PLA1A: variants seen among roughly 807,000 people sequenced by gnomAD.
The protein encoded by PLA1A is phosphatidylserine-specific phospholipase A1alpha.
In PLA1A, 47 loss-of-function variants were observed where a neutral mutation model predicts 49.4. That is an observed-to-expected ratio of 0.95 (90% CI 0.75 to 1.21). The LOEUF is 1.21. PLA1A is among the 50% of genes most tolerant of loss of function. The probability of loss-of-function intolerance (pLI) is 0.00; values close to 1 mark genes in which losing one functional copy is unlikely to be tolerated. For synonymous variants in PLA1A, 224 were observed against 207.9 expected (o/e 1.08, Z -0.67); for missense variants, 561 against 563.9 (o/e 0.99, Z 0.05).
intron 4 of PLA1A, among the ~76,000 whole-genome samples, chr3:119,611,733 T>A (rs576831820): frequency 1.8e-4 from 28 of 152,328 alleles, no homozygotes; most frequent in Non-Finnish European, 2.9e-4. Context: ...GCTGGAGTTG[T>A]TTATCAGGTC....
intron 10 of PLA1A, among the ~76,000 whole-genome samples, 192 bp from the exon 11 acceptor site, chr3:119,629,192 C>G (rs1035234365): frequency 6.6e-6 from 1 of 152,048 alleles, no homozygotes; most frequent in African/African-American, 2.4e-5. Flanking sequence ...ATCCACATCC[C>G]CTTTCCCTTC....
At chr3:119,603,841 C>G (rs2082649292) in intron 1 of PLA1A, among the ~76,000 whole-genome samples, 1 of 152,086 alleles carries the variant, frequency 6.6e-6, no homozygotes, top group Admixed American at 6.5e-5. Flanking sequence ...CCTTAAGGTC[C>G]CTAGTCAGAG....
Position 119,623,818 on chromosome 3 carries a change from G to T in PLA1A, c.1013-1306G>T, listed in dbSNP as rs769260818. Among the ~76,000 whole-genome samples the T allele has an allele frequency of 1.0e-4, 15 of 146,238 alleles. No individual in the cohort carries two copies. The East Asian group carries it at 3.0e-3, about 29-fold the overall frequency. On this transcript the variant is annotated intron_variant, in intron 8 of 10. Coordinates refer to ENST00000273371, the MANE Select transcript of PLA1A (RefSeq NM_015900.4). ...CGGCTCACTGCAACCTCTGCCTCCC[G>T]GGTTCAAATGCTTCTCCTGCCTCAG...
At chr3:119,602,891 A>G (rs2082636566) in intron 1 of PLA1A, among the ~76,000 whole-genome samples, 1 of 152,158 alleles carries the variant, frequency 6.6e-6, no homozygotes, top group Admixed American at 6.5e-5. Context: ...AAAGACTTGA[A>G]GGAGGGGAAG....
rs368893228 is a variant in PLA1A, at chr3:119,599,543, T to G, written c.73+1557T>G. Among the ~76,000 whole-genome samples, 14 of 152,260 alleles carry G rather than the reference T, an allele frequency of 9.2e-5. No individual in the cohort carries two copies. In the East Asian group the frequency reaches 2.1e-3, roughly 23 times the overall value. Reference sequence around the variant, plus strand: ...GGACTATAGCAAATTGGCATCAAACTCTTTTTGGAAGCTCATCTGTCGGTA... The same window carrying G: ...GGACTATAGCAAATTGGCATCAAACGCTTTTTGGAAGCTCATCTGTCGGTA... On this transcript the variant is annotated intron_variant, in intron 1 of 10. Transcript: ENST00000273371.
chr3:119,606,680 C>A (rs544876758), intron 1 of PLA1A, 94 bp from the exon 2 acceptor site: 2 of 903,512 alleles, frequency 2.2e-6, no homozygotes, highest in Admixed American at 4.3e-5. Context: ...CTGCAGGCCC[C>A]TGTTTCTTGC....
intron 4 of PLA1A, among the ~76,000 whole-genome samples, chr3:119,610,052 A>T (rs937597675): frequency 6.6e-6 from 1 of 152,144 alleles, no homozygotes; most frequent in Non-Finnish European, 1.5e-5. Flanking sequence ...TTTAGCTCCC[A>T]CTTATAAGTG....
rs776688207 is a variant in PLA1A at position 119,609,380 on chromosome 3, G to A, written c.454-88G>A. 1.9e-4 allele frequency: 165 copies of A among 846,726 alleles called. 1 individual carries two copies. The highest frequency in any genetic ancestry group is 3.2e-4 in the Admixed American group (19 of 59,046). 52.5% of individuals were successfully genotyped at this position (846,726 alleles called of 1,614,324 possible). On this transcript the variant is annotated intron_variant, in intron 3 of 10. Coordinates refer to ENST00000273371, the MANE Select transcript of PLA1A (RefSeq NM_015900.4). ...GTGGGTGTGTCATGCCCAGGGCCTC[G>A]GCTTCTGAAGCTTTGGGGGAAAGCC...
At chr3:119,618,539 A>C (rs2082884680) in intron 7 of PLA1A, among the ~76,000 whole-genome samples, 1 of 152,098 alleles carries the variant, frequency 6.6e-6, no homozygotes, top group Non-Finnish European at 1.5e-5. Context: ...ATAGACCCTA[A>C]ATCTATGGTG....
intron 3 of PLA1A, 45 bp from the exon 4 acceptor site, chr3:119,609,423 C>G: frequency 1.6e-6 from 2 of 1,222,128 alleles, no homozygotes; most frequent in Non-Finnish European, 1.2e-6. Flanking sequence ...GTGAAGCCAG[C>G]AGACTCTGTG....
intron 1 of PLA1A, among the ~76,000 whole-genome samples, chr3:119,605,089 AAC>A (rs765252363): frequency 6.6e-6 from 1 of 152,212 alleles, no homozygotes; most frequent in Admixed American, 6.5e-5. Flanking sequence ...CTCATGCTGA[AAC>A]ACAGTCTTTT....
At chr3:119,605,390 G>C (rs532586927) in intron 1 of PLA1A, among the ~76,000 whole-genome samples, 1 of 152,176 alleles carries the variant, frequency 6.6e-6, no homozygotes, top group Non-Finnish European at 1.5e-5. Context: ...CCACAGGTGG[G>C]GTTCCCACAA....
chr3:119,604,399 G>T (rs1046961635), intron 1 of PLA1A, among the ~76,000 whole-genome samples: 1 of 152,116 alleles, frequency 6.6e-6, no homozygotes, highest in African/African-American at 2.4e-5. Context: ...AGAAGATGTG[G>T]TATACATACA....
At chr3:119,629,312 A>C (rs2052591080) in intron 10 of PLA1A, 72 bp from the exon 11 acceptor site, 1 of 872,922 alleles carries the variant, frequency 1.1e-6, no homozygotes, top group Non-Finnish European at 2.0e-6. Context: ...CATCATGGGA[A>C]TTCAAAAGCC....
chr3:119,608,224 A>AAGAG (rs1393643729), intron 2 of PLA1A, among the ~76,000 whole-genome samples: 20 of 36,468 alleles, frequency 5.5e-4, no homozygotes, highest in African/African-American at 3.0e-3. Flanking sequence ...GAAAGAAAGA[A>AAGAG]AGAGAGAGAA....
intron 9 of PLA1A, 104 bp downstream of exon 9, chr3:119,625,336 G>T: frequency 1.4e-6 from 1 of 735,918 alleles, no homozygotes. Context: ...GATTGCTGAT[G>T]CATGGGCCCA....
At position 119,606,737 on chromosome 3, in the gene PLA1A, C is replaced by A. The variant is rs112200777; in HGVS notation, c.74-37C>A. 5.2e-6 allele frequency: 8 copies of A among 1,546,734 alleles called. No individual in the cohort carries two copies. The South Asian group carries it at 6.7e-5, about 13-fold the overall frequency. On this transcript the variant is annotated intron_variant, in intron 1 of 10. Coordinates refer to ENST00000273371, the MANE Select transcript of PLA1A (RefSeq NM_015900.4). ...TTCCTTCTAAGAACAGATGACCTCA[C>A]CTTGGATGTTGCTTGTTTTGTTTTG...
rs749058498 is a variant in PLA1A at position 119,597,999 on chromosome 3, T to C, written c.73+13T>C. 5.4e-5 allele frequency: 85 copies of C among 1,563,484 alleles called. 1 individual carries two copies. Among genetic ancestry groups the C allele is most frequent in the Non-Finnish European group, 4.5e-5 (51 of 1,139,868 alleles). Reference sequence around the variant, plus strand: ...GTTGGAAGTTCAGGTAAGCCAGGGCTCAGGCCTTGGGAGGAACTTATTTCA... The same window carrying C: ...GTTGGAAGTTCAGGTAAGCCAGGGCCCAGGCCTTGGGAGGAACTTATTTCA... On this transcript the variant is annotated intron_variant, in intron 1 of 10. Transcript: ENST00000273371.
At chr3:119,602,872 T>C (rs2082635690) in intron 1 of PLA1A, among the ~76,000 whole-genome samples, 1 of 152,042 alleles carries the variant, frequency 6.6e-6, no homozygotes, top group South Asian at 2.1e-4. Flanking sequence ...AAGAGAGCAC[T>C]TGACAAGCAA....
Sources: gnomAD v4.1 joint callset for allele counts (sites outside exome capture counted in the v4.1 genomes callset) on GRCh38, gnomAD v4.1.1 for gene constraint, MANE v1.5 for transcripts, NCBI Gene and HGNC (gene_info 2026-07-23, HGNC 2026-07-21) for gene names.